Variants in MEGF10 observed in about 807,000 individuals in gnomAD.
The protein encoded by MEGF10 is multiple epidermal growth factor-like domains protein 10.
A neutral mutation model predicts 147.5 loss-of-function variants in MEGF10; 86 were observed. That is an observed-to-expected ratio of 0.58 (90% confidence interval 0.49 to 0.70). MEGF10 has a LOEUF of 0.70. MEGF10 is among the 30% of genes least tolerant of loss of function. MEGF10 has a pLI of 0.00. For missense variants in MEGF10, 1,329 were observed against 1,487.3 expected (o/e 0.89, Z 1.75); for synonymous variants, 478 against 525.5 (o/e 0.91, Z 1.24).
intron 5 of MEGF10, among the ~76,000 whole-genome samples, chr5:127,372,703 T>A (rs1046003676): frequency 2.6e-5 from 4 of 152,220 alleles, no homozygotes; most frequent in South Asian, 2.1e-4. Flanking sequence ...GCTTTTCTCA[T>A]GATCAGACAT....
chr5:127,369,780 A>G (rs558336635), intron 4 of MEGF10, 130 bp from the exon 5 acceptor site: 4 of 633,012 alleles, frequency 6.3e-6, no homozygotes, highest in Admixed American at 2.9e-5. Flanking sequence ...TGAGGAACGG[A>G]CTGAAGAAAA....
the MEGF10 span, among the ~76,000 whole-genome samples, chr5:127,275,344 G>A: frequency 6.6e-6 from 1 of 152,104 alleles, no homozygotes; most frequent in Non-Finnish European, 1.5e-5. Flanking sequence ...TGAGTCAGGG[G>A]CCTGCCACTA....
rs1464840934 is a variant in MEGF10 at position 127,369,959 on chromosome 5, C to T, written c.369C>T (p.Thr123=). The T allele has an allele frequency of 1.9e-6, 3 of 1,613,366 alleles. No individual in the cohort carries two copies. Among genetic ancestry groups the T allele is most frequent in the African/African-American group, 2.7e-5 (2 of 74,862 alleles). The change falls in exon 5 of 25, where the codon ACC becomes ACT. Residue 123 remains threonine, a synonymous_variant. Transcript: ENST00000503335. ...CVHGRCIAPN[T]CQCEPGWGGT... is the part of the protein sequence containing the mutation. ...ATGGTCGCTGTATTGCTCCAAACAC[C>T]TGTCAGTGTGAGCCTGGCTGGGGAG...
chr5:127,275,728 G>A, the MEGF10 span, among the ~76,000 whole-genome samples: 2 of 152,196 alleles, frequency 1.3e-5, no homozygotes, highest in African/African-American at 4.8e-5. Flanking sequence ...GGTGGGCTGA[G>A]TGTCAATAGA....
intron 5 of MEGF10, among the ~76,000 whole-genome samples, chr5:127,382,027 T>C (rs1445890109): frequency 6.6e-6 from 1 of 152,222 alleles, no homozygotes; most frequent in African/African-American, 2.4e-5. Context: ...GATATCTTAT[T>C]TTTTGTGAGT....
At chr5:127,407,791 A>T (rs1441899610) in intron 8 of MEGF10, among the ~76,000 whole-genome samples, 1 of 152,194 alleles carries the variant, frequency 6.6e-6, no homozygotes, top group African/African-American at 2.4e-5. Context: ...CTTTTAATGC[A>T]GCCAATCAGA....
At chr5:127,386,899 G>A (rs1224149572) in intron 5 of MEGF10, among the ~76,000 whole-genome samples, 3 of 152,174 alleles carry the variant, frequency 2.0e-5, no homozygotes, top group Non-Finnish European at 4.4e-5. Flanking sequence ...ATAACAAAAA[G>A]TACTTTTTGT....
chr5:127,303,121 G>C (rs1759845948), intron 1 of MEGF10, among the ~76,000 whole-genome samples: 1 of 152,072 alleles, frequency 6.6e-6, no homozygotes, highest in Non-Finnish European at 1.5e-5. Flanking sequence ...CGGATCACTT[G>C]AGGTCAAGAG....
At chr5:127,322,074 C>CA (rs5871248) in intron 1 of MEGF10, among the ~76,000 whole-genome samples, 75,285 of 131,628 alleles carry the variant, frequency 0.57, 19,951 homozygotes, top group Middle Eastern at 0.67. Flanking sequence ...AGCGCTTTTG[C>CA]AAAAAAAAAA....
rs1469507720 is a variant in MEGF10 at position 127,408,473 on chromosome 5, AG to A, written c.918-1914del. On this transcript the variant is annotated intron_variant, in intron 8 of 24. Coordinates refer to ENST00000503335, the MANE Select transcript of MEGF10 (RefSeq NM_001256545.2). ...TATTTCCTTAAAGTTTACATCTTTA[AG>A]GAAGAAACTAAATGACTTAGCTTAT... 4.6e-5 allele frequency among the ~76,000 whole-genome samples: 7 copies of A among 152,204 alleles called. 1 individual carries two copies. The highest frequency in any genetic ancestry group is 6.5e-5 in the Admixed American group (1 of 15,286).
At chr5:127,393,027 G>A (rs946978322) in intron 5 of MEGF10, among the ~76,000 whole-genome samples, 3 of 152,124 alleles carry the variant, frequency 2.0e-5, no homozygotes, top group Non-Finnish European at 4.4e-5. Context: ...TAGCATTTAG[G>A]TCACTTTCAA....
chr5:127,252,695 T>C, the MEGF10 span, among the ~76,000 whole-genome samples: 1 of 151,904 alleles, frequency 6.6e-6, no homozygotes, highest in Non-Finnish European at 1.5e-5. Flanking sequence ...ACAGACTGCA[T>C]TTTTAGTCTT....
intron 9 of MEGF10, among the ~76,000 whole-genome samples, chr5:127,416,317 C>T (rs1764776490): frequency 6.6e-6 from 1 of 151,784 alleles, no homozygotes; most frequent in Non-Finnish European, 1.5e-5. Context: ...TTTGAGCCAC[C>T]ATGCCTGGCC....
intron 13 of MEGF10, among the ~76,000 whole-genome samples, chr5:127,430,290 G>C (rs2126994833): frequency 6.6e-6 from 1 of 152,272 alleles, no homozygotes; most frequent in Non-Finnish European, 1.5e-5. Context: ...GAAACAAAAA[G>C]ATGTTTTGTA....
chr5:127,365,009 C>T (rs761426958), intron 4 of MEGF10, among the ~76,000 whole-genome samples: 2 of 152,154 alleles, frequency 1.3e-5, no homozygotes, highest in Non-Finnish European at 2.9e-5. Context: ...GAATGATGCT[C>T]AGTAAAGGCA....
chr5:127,232,655 A>G, the MEGF10 span, among the ~76,000 whole-genome samples: 2 of 152,176 alleles, frequency 1.3e-5, no homozygotes, highest in East Asian at 3.9e-4. Flanking sequence ...GAGAAGTACA[A>G]AACTTGGAGA....
chr5:127,283,899 G>C, the MEGF10 span, among the ~76,000 whole-genome samples: 9 of 152,006 alleles, frequency 5.9e-5, no homozygotes, highest in Non-Finnish European at 1.0e-4. Flanking sequence ...AACTTTTTTT[G>C]GGGGAAAACA....
chr5:127,322,976 T>C (rs1292463442), intron 1 of MEGF10, among the ~76,000 whole-genome samples: 5 of 152,180 alleles, frequency 3.3e-5, no homozygotes, highest in African/African-American at 7.2e-5. Context: ...TGTGTGTATA[T>C]ATATATACAT....
the MEGF10 span, among the ~76,000 whole-genome samples, chr5:127,262,462 GA>G: frequency 2.0e-5 from 3 of 152,154 alleles, no homozygotes; most frequent in Admixed American, 2.0e-4. Flanking sequence ...TGTGATATAA[GA>G]GAGAGTTTAC....
Sources: gnomAD v4.1 joint callset for allele counts (sites outside exome capture counted in the v4.1 genomes callset) on GRCh38, gnomAD v4.1.1 for gene constraint, MANE v1.5 for transcripts, NCBI Gene and HGNC (gene_info 2026-07-23, HGNC 2026-07-21) for gene names.